The following FBXL7 variants were observed in gnomAD, a reference collection of about 807,000 sequenced individuals.
FBXL7 encodes the protein F-box/LRR-repeat protein 7.
Under a neutral mutation model 38.3 loss-of-function variants are expected in FBXL7, and 12 were observed. The ratio of observed to expected loss-of-function variants is 0.31; its 90% CI spans 0.20 to 0.51. FBXL7 has a LOEUF of 0.51. Among genes scored for constraint, FBXL7 ranks in the 20% least tolerant of loss-of-function variants. The pLI is 0.98. For synonymous variants in FBXL7, 297 were observed against 300.9 expected (o/e 0.99, Z 0.13); for missense variants, 567 against 676.4 (o/e 0.84, Z 1.79).
At chr5:15,599,532 T>C (rs1446086371) in intron 1 of FBXL7, among the ~76,000 whole-genome samples, 1 of 152,188 alleles carries the variant, frequency 6.6e-6, no homozygotes. Flanking sequence ...TGGTTTGTAG[T>C]TTTGCTAGAA....
At chr5:15,694,581 G>A (rs1743274330) in intron 2 of FBXL7, among the ~76,000 whole-genome samples, 2 of 152,154 alleles carry the variant, frequency 1.3e-5, no homozygotes, top group South Asian at 4.1e-4. Flanking sequence ...GCACAAAACA[G>A]ATCTTTTCCC....
intron 2 of FBXL7, among the ~76,000 whole-genome samples, chr5:15,703,423 G>A (rs959102069): frequency 3.3e-5 from 5 of 152,170 alleles, no homozygotes; most frequent in East Asian, 1.9e-4. Context: ...TTTATTTTTC[G>A]TTTGAAGTGT....
chr5:15,670,455 A>T (rs1208847722), intron 2 of FBXL7, among the ~76,000 whole-genome samples: 1 of 152,192 alleles, frequency 6.6e-6, no homozygotes, highest in Admixed American at 6.5e-5. Context: ...GTCAGGGGAC[A>T]TAATACATAG....
rs140928208 is a variant in FBXL7, at chr5:15,586,025, G to A, written c.38-29958G>A. ...CCTGGAGCCAGTCTCCTTAGTGAGA[G>A]CCCAATAAGCCCTTAAAAATATGTG... On this transcript the variant is annotated intron_variant, in intron 1 of 3. Transcript: ENST00000504595. 7.6e-3 allele frequency among the ~76,000 whole-genome samples: 1,154 copies of A among 152,276 alleles called. 10 individuals are homozygous for A. The highest frequency in any genetic ancestry group is 0.012 in the Non-Finnish European group (820 of 68,016).
chr5:15,676,835 A>G (rs928632711), intron 2 of FBXL7, among the ~76,000 whole-genome samples: 1 of 152,084 alleles, frequency 6.6e-6, no homozygotes, highest in African/African-American at 2.4e-5. Context: ...TCCCCAAGTA[A>G]ATGTTCCATA....
At chr5:15,661,314 G>T (rs947711561) in intron 2 of FBXL7, among the ~76,000 whole-genome samples, 2 of 152,012 alleles carry the variant, frequency 1.3e-5, no homozygotes, top group Admixed American at 6.6e-5. Context: ...AGTTCTTTGA[G>T]ATTTTCTATG....
chr5:15,557,916 G>A (rs973889173), intron 1 of FBXL7, among the ~76,000 whole-genome samples: 1 of 152,198 alleles, frequency 6.6e-6, no homozygotes, highest in Admixed American at 6.5e-5. Context: ...CACAAATTGT[G>A]TGATTTCACT....
intron 1 of FBXL7, among the ~76,000 whole-genome samples, chr5:15,538,908 T>C (rs1737660592): frequency 6.6e-6 from 1 of 152,150 alleles, no homozygotes; most frequent in African/African-American, 2.4e-5. Flanking sequence ...AGAGACAGCA[T>C]CTATTAGAGG....
chr5:15,925,939 G>T (rs935615696), intron 2 of FBXL7, among the ~76,000 whole-genome samples: 15 of 152,110 alleles, frequency 9.9e-5, no homozygotes, highest in Non-Finnish European at 2.2e-4. Context: ...TATTCAATAA[G>T]TCACGTGAGA....
Position 15,730,715 on chromosome 5 carries a change from A to G in FBXL7, c.127+114643A>G, listed in dbSNP as rs531854840. Among the ~76,000 whole-genome samples the G allele has an allele frequency of 2.4e-4, 36 of 152,284 alleles. No individual in the cohort carries two copies. The South Asian group carries it at 7.5e-3, about 32-fold the overall frequency. On this transcript the variant is annotated intron_variant, in intron 2 of 3. Coordinates refer to ENST00000504595, the MANE Select transcript of FBXL7 (RefSeq NM_012304.5). ...TGTTTTGTTCTATTTTGGAGAAGCTATTTATTTCTAGGGCATATTGCCATG... is the reference window on the plus strand; with the variant it reads ...TGTTTTGTTCTATTTTGGAGAAGCTGTTTATTTCTAGGGCATATTGCCATG...
intron 1 of FBXL7, among the ~76,000 whole-genome samples, chr5:15,600,071 G>C (rs1421068940): frequency 1.3e-5 from 2 of 152,236 alleles, no homozygotes; most frequent in Non-Finnish European, 2.9e-5. Flanking sequence ...TGAGCTTCAT[G>C]CTGCCTCATA....
chr5:15,560,875 G>A (rs1010768391), intron 1 of FBXL7, among the ~76,000 whole-genome samples: 2 of 152,032 alleles, frequency 1.3e-5, no homozygotes, highest in African/African-American at 4.8e-5. Flanking sequence ...GGAGTCTAAT[G>A]CAAATTGACT....
chr5:15,538,360 C>T (rs1737645805), intron 1 of FBXL7, among the ~76,000 whole-genome samples: 1 of 152,146 alleles, frequency 6.6e-6, no homozygotes, highest in African/African-American at 2.4e-5. Context: ...TCTTCATCTG[C>T]TAACAGTGAG....
chr5:15,591,302 G>A (rs996682647), intron 1 of FBXL7, among the ~76,000 whole-genome samples: 33 of 151,932 alleles, frequency 2.2e-4, no homozygotes, highest in Non-Finnish European at 2.8e-4. Context: ...GGTGGCGGGC[G>A]CCTGTAGTCC....
chr5:15,809,497 C>T (rs1364001760), intron 2 of FBXL7, among the ~76,000 whole-genome samples: 4 of 152,034 alleles, frequency 2.6e-5, no homozygotes, highest in South Asian at 2.1e-4. Context: ...ATAGGGGATA[C>T]GTAAGGTTTT....
chr5:15,937,000 C>A lies in FBXL7; in HGVS notation c.1290C>A (p.Leu430=), dbSNP rs1742213495. The change falls in exon 4 of 4, where the codon CTC becomes CTA. Residue 430 remains leucine, a synonymous_variant. Transcript: ENST00000504595. The surrounding 1 kb of genome is among the most constrained non-coding windows in gnomAD (Gnocchi z 6.0). ...LECLALNCFN[L]KRLSLKSCES... is the part of the protein sequence containing the mutation. Reference sequence around the variant, plus strand: ...GCCTGGCCCTGAACTGCTTCAACCTCAAGCGGCTCAGCCTCAAGTCCTGCG... The same window carrying A: ...GCCTGGCCCTGAACTGCTTCAACCTAAAGCGGCTCAGCCTCAAGTCCTGCG... 6.2e-7 allele frequency: 1 copy of A among 1,613,940 alleles called. No homozygotes were observed. Among genetic ancestry groups the A allele is most frequent in the South Asian group, 1.1e-5 (1 of 91,090 alleles).
chr5:15,918,400 AGATAC>A (rs1741655865), intron 2 of FBXL7, among the ~76,000 whole-genome samples: 1 of 152,194 alleles, frequency 6.6e-6, no homozygotes, highest in African/African-American at 2.4e-5. Flanking sequence ...ATTTCTTAGA[AGATAC>A]TTTCTAGATA....
intron 2 of FBXL7, among the ~76,000 whole-genome samples, chr5:15,840,575 C>T (rs1033291347): frequency 3.3e-5 from 5 of 152,076 alleles, no homozygotes; most frequent in Admixed American, 3.3e-4. Flanking sequence ...AGATTATTGA[C>T]CGGGCACAGT....
intron 1 of FBXL7, among the ~76,000 whole-genome samples, chr5:15,601,534 G>A (rs1041624879): frequency 6.6e-6 from 1 of 152,122 alleles, no homozygotes; most frequent in African/African-American, 2.4e-5. Context: ...TGGGTGTGTG[G>A]GAAGGGGAAG....
Sources: gnomAD v4.1 joint callset for allele counts (sites outside exome capture counted in the v4.1 genomes callset) on GRCh38, gnomAD v4.1.1 for gene constraint, Gnocchi (gnomAD v3.1) non-coding constraint, MANE v1.5 for transcripts, NCBI Gene and HGNC (gene_info 2026-07-23, HGNC 2026-07-21) for gene names.